Variants in EEPD1 observed in about 807,000 individuals in gnomAD.
EEPD1 encodes endonuclease/exonuclease/phosphatase family domain containing 1.
EEPD1 carries 17 observed loss-of-function variants against 46.3 expected under a neutral mutation model. That is an observed-to-expected ratio of 0.37 (90% CI 0.25 to 0.55). The LOEUF (loss-of-function observed/expected upper bound fraction) is 0.55. Ranked by LOEUF, EEPD1 falls within the 20% of genes least tolerant of loss-of-function variation. The pLI is 0.83. For synonymous variants in EEPD1, 313 were observed against 315.6 expected, an observed-to-expected ratio of 0.99 and a Z score of 0.09; for missense variants, 673 against 745.6, an observed-to-expected ratio of 0.90 and a Z score of 1.13.
chr7:36,272,512 T>TG lies in EEPD1; in HGVS notation c.931-8603_931-8602insG, dbSNP rs1562708969. The stretch of plus-strand genomic sequence containing the variant: ...TTTCTGGTTTTTTGTTGTTGTTTTT[T>TG]TTTTTTTTTTGTGCTCCCTTCGCTT... On this transcript the variant is annotated intron_variant, in intron 3 of 7. Coordinates refer to ENST00000242108, the MANE Select transcript of EEPD1 (RefSeq NM_030636.3). Among the ~76,000 whole-genome samples the TG allele has an allele frequency of 7.4e-5, 11 of 147,664 alleles. 1 individual carries two copies. The highest frequency in any genetic ancestry group is 2.9e-4 in the African/African-American group (11 of 38,566).
At chr7:36,230,044 A>C (rs2540681) in intron 2 of EEPD1, among the ~76,000 whole-genome samples, 148,975 of 152,034 alleles carry the variant, frequency 0.98, 73,066 homozygotes, top group East Asian at 1. Context: ...CATCTTCAGC[A>C]CTGCTTGGCT....
At chr7:36,199,529 A>T (rs898074519) in intron 2 of EEPD1, among the ~76,000 whole-genome samples, 2 of 151,948 alleles carry the variant, frequency 1.3e-5, no homozygotes. Context: ...AACTCCCAGG[A>T]CTTTTTTCTT....
chr7:36,265,467 G>A (rs539713876), intron 3 of EEPD1, among the ~76,000 whole-genome samples: 2 of 152,352 alleles, frequency 1.3e-5, no homozygotes, highest in South Asian at 4.1e-4. Context: ...AAATAAGTGG[G>A]TGTTCATGTA....
At chr7:36,219,018 G>A (rs922745519) in intron 2 of EEPD1, among the ~76,000 whole-genome samples, 1 of 152,138 alleles carries the variant, frequency 6.6e-6, no homozygotes, top group Non-Finnish European at 1.5e-5. Flanking sequence ...TTGGTATCTG[G>A]AAGTCTGTAG....
At chr7:36,238,478 T>C (rs1431089436) in intron 2 of EEPD1, among the ~76,000 whole-genome samples, 8 of 152,242 alleles carry the variant, frequency 5.3e-5, no homozygotes, top group Admixed American at 1.3e-4. Context: ...ATATCTCATA[T>C]AAGTGGGATC....
rs35026544 is a variant in EEPD1, at chr7:36,260,891, T to C, written c.931-20224T>C. Among the ~76,000 whole-genome samples the C allele has an allele frequency of 1.4e-3, 212 of 152,380 alleles. 1 individual carries two copies. The highest frequency in any genetic ancestry group is 3.7e-3 in the Admixed American group (57 of 15,308). ...GTACAGACTTTTTTCTTGTCATTATTGCCCAAGCAATACAGTATAACATCT... is the reference window on the plus strand; with the variant it reads ...GTACAGACTTTTTTCTTGTCATTATCGCCCAAGCAATACAGTATAACATCT... On this transcript the variant is annotated intron_variant, in intron 3 of 7. Coordinates refer to ENST00000242108, the MANE Select transcript of EEPD1 (RefSeq NM_030636.3).
At chr7:36,253,134 G>A (rs1583467470) in intron 3 of EEPD1, among the ~76,000 whole-genome samples, 1 of 152,116 alleles carries the variant, frequency 6.6e-6, no homozygotes. Flanking sequence ...GCTTTAGCTA[G>A]TATGTTGTAT....
intron 3 of EEPD1, among the ~76,000 whole-genome samples, chr7:36,260,035 T>A (rs1182844722): frequency 1.3e-5 from 2 of 152,246 alleles, no homozygotes; most frequent in Non-Finnish European, 2.9e-5. Flanking sequence ...GATTTCTATG[T>A]ATTATAGGCC....
At chr7:36,287,503 T>G in intron 5 of EEPD1, 136 bp from the exon 6 acceptor site, 1 of 1,336,074 alleles carries the variant, frequency 7.5e-7, no homozygotes, top group Non-Finnish European at 1.0e-6. Context: ...CATTATTTCC[T>G]GGGGGTGTGA....
intron 2 of EEPD1, among the ~76,000 whole-genome samples, chr7:36,220,196 A>T (rs545036513): frequency 2.6e-5 from 4 of 152,296 alleles, no homozygotes; most frequent in Middle Eastern, 3.4e-3. Flanking sequence ...ACAATTGGGA[A>T]GAAGGGCGGT....
chr7:36,283,854 A>T (rs966807599), intron 4 of EEPD1, among the ~76,000 whole-genome samples: 2 of 152,164 alleles, frequency 1.3e-5, no homozygotes, highest in Non-Finnish European at 2.9e-5. Flanking sequence ...AAGAGTGGTG[A>T]TGAGCACTGC....
intron 5 of EEPD1, 70 bp downstream of exon 5, chr7:36,284,890 T>G: frequency 7.0e-7 from 1 of 1,419,574 alleles, no homozygotes; most frequent in Non-Finnish European, 9.2e-7. Flanking sequence ...GGGCTCATTT[T>G]GTAATAGCAT....
chr7:36,161,771 G>A (rs1307651516), intron 2 of EEPD1, among the ~76,000 whole-genome samples: 1 of 152,002 alleles, frequency 6.6e-6, no homozygotes. Context: ...TTAAAAATTA[G>A]CTGAGTGGGG....
intron 2 of EEPD1, among the ~76,000 whole-genome samples, chr7:36,227,025 A>G (rs921840539): frequency 1.3e-5 from 2 of 152,144 alleles, no homozygotes; most frequent in Admixed American, 1.3e-4. Context: ...TTTCTCACAG[A>G]TCTAATTTTC....
chr7:36,181,141 C>T (rs1785263769), intron 2 of EEPD1, among the ~76,000 whole-genome samples: 2 of 152,160 alleles, frequency 1.3e-5, no homozygotes, highest in South Asian at 4.1e-4. Context: ...AGTTTAGGGA[C>T]CACTGAGCAG....
intron 2 of EEPD1, among the ~76,000 whole-genome samples, chr7:36,161,320 G>A (rs891824328): frequency 6.6e-6 from 1 of 152,222 alleles, no homozygotes; most frequent in Non-Finnish European, 1.5e-5. Context: ...AGGATGATGT[G>A]TGGGATGAGG....
rs572547720 is a variant in EEPD1 at position 36,279,743 on chromosome 7, G to A, written c.931-1372G>A. Reference sequence around the variant, plus strand: ...GGGTTTGTTCAGGCACAGATTGCTGGGCCCACTTCAGAGCTGCTGATCCAG... The same window carrying A: ...GGGTTTGTTCAGGCACAGATTGCTGAGCCCACTTCAGAGCTGCTGATCCAG... On this transcript the variant is annotated intron_variant, in intron 3 of 7. Transcript: ENST00000242108. 4.1e-4 allele frequency among the ~76,000 whole-genome samples: 63 copies of A among 152,324 alleles called. 1 individual carries two copies. In the South Asian group the frequency reaches 0.013, roughly 31 times the overall value.
Position 36,154,383 on chromosome 7 carries a change from A to G in EEPD1, c.59A>G (p.His20Arg), listed in dbSNP as rs768417088. The stretch of plus-strand genomic sequence containing the variant: ...CCCAGGGACCCCTCGGACCTGTCCC[A>G]TAGCCGCAAGTTCAGCGCAGCCTGT... ...SIPRDPSDLS[H>R]SRKFSAACNF... is the part of the protein sequence containing the mutation. Residue 20 changes from histidine (H) to arginine (R), a missense_variant, in exon 2 of 8, where the codon CAT becomes CGT. Transcript: ENST00000242108. This position sits in a 1 kb window ranked among gnomAD's most constrained non-coding sequence, Gnocchi z 4.2. 20 of 1,613,806 alleles carry G rather than the reference A, an allele frequency of 1.2e-5. No homozygotes were observed. In the Admixed American group the frequency reaches 1.8e-4, roughly 15 times the overall value.
chr7:36,182,673 C>T (rs964952966), intron 2 of EEPD1, among the ~76,000 whole-genome samples: 3 of 152,214 alleles, frequency 2.0e-5, no homozygotes, highest in African/African-American at 7.2e-5. Flanking sequence ...TGTGGACTTG[C>T]CCAGTAATGC....
Sources: gnomAD v4.1 joint callset for allele counts (sites outside exome capture counted in the v4.1 genomes callset) on GRCh38, gnomAD v4.1.1 for gene constraint, Gnocchi (gnomAD v3.1) non-coding constraint, MANE v1.5 for transcripts, NCBI Gene and HGNC (gene_info 2026-07-23, HGNC 2026-07-21) for gene names.